IL33: variants seen among roughly 807,000 people sequenced by gnomAD.
IL33 encodes the protein interleukin-33.
Under a neutral mutation model 27.3 loss-of-function variants are expected in IL33, and 37 were observed. The ratio of observed to expected loss-of-function variants is 1.36; its 90% CI spans 1.04 to 1.78. The LOEUF is 1.78. IL33 is among the 40% of genes most tolerant of loss of function. IL33 has a pLI of 0.00. For synonymous variants in IL33, 132 were observed against 102.9 expected, an observed-to-expected ratio of 1.28 and a Z score of -1.71; for missense variants, 406 against 311.4, an observed-to-expected ratio of 1.30 and a Z score of -2.29.
intron 2 of IL33, among the ~76,000 whole-genome samples, chr9:6,246,045 A>G (rs1345498458): frequency 9.5e-6 from 1 of 104,754 alleles, no homozygotes; most frequent in Non-Finnish European, 1.8e-5. Context: ...CCTGGGTGAC[A>G]GAGCAAGACT....
chr9:6,228,783 G>T (rs1245482752), intron 1 of IL33, among the ~76,000 whole-genome samples: 2 of 150,336 alleles, frequency 1.3e-5, no homozygotes, highest in Non-Finnish European at 2.9e-5. Context: ...GAACCTAGGA[G>T]TTCAGTGAGG....
At chr9:6,248,573 A>T (rs1390811630) in intron 2 of IL33, among the ~76,000 whole-genome samples, 3 of 151,572 alleles carry the variant, frequency 2.0e-5, no homozygotes, top group Non-Finnish European at 2.9e-5. Flanking sequence ...ATAAATTTCT[A>T]TCTTTTTTTT....
chr9:6,252,052 C>CAAA (rs1311401521), intron 4 of IL33, among the ~76,000 whole-genome samples: 9 of 36,184 alleles, frequency 2.5e-4, no homozygotes, highest in African/African-American at 8.5e-4. Context: ...AACAAACAAA[C>CAAA]AAACAAAAAA....
In IL33 at chr9:6,250,211, C is replaced by T. The variant is rs549385506; in HGVS notation, c.92-263C>T. 2.0e-5 allele frequency among the ~76,000 whole-genome samples: 3 copies of T among 152,190 alleles called. No homozygotes were observed. In the South Asian group the frequency reaches 6.2e-4, roughly 32 times the overall value. On this transcript the variant is annotated intron_variant, in intron 2 of 7. Transcript: ENST00000682010. The stretch of plus-strand genomic sequence containing the variant: ...TTTATTTCACTTTGTGTAAATTTTC[C>T]TATGTTTCAATATAAAATTAACTAA...
intron 1 of IL33, among the ~76,000 whole-genome samples, chr9:6,241,137 T>C (rs1205728909): frequency 6.6e-6 from 1 of 152,156 alleles, no homozygotes; most frequent in East Asian, 1.9e-4. Context: ...AATGTCTTCC[T>C]CTGGAATACC....
chr9:6,219,609 C>G (rs971160071), intron 1 of IL33, among the ~76,000 whole-genome samples: 2 of 152,288 alleles, frequency 1.3e-5, no homozygotes, highest in South Asian at 4.1e-4. Flanking sequence ...TCTTACTTAA[C>G]TTTCCTGAGC....
At chr9:6,251,358 G>A (rs1310775558) in intron 4 of IL33, 93 bp downstream of exon 4, 1 of 1,557,666 alleles carries the variant, frequency 6.4e-7, no homozygotes, top group Non-Finnish European at 8.7e-7. Flanking sequence ...TCCCAAGTCT[G>A]TGTCTTTAAT....
intron 5 of IL33, among the ~76,000 whole-genome samples, chr9:6,253,297 C>T (rs10815394): frequency 0.35 from 53,562 of 151,692 alleles, 9,795 homozygotes; most frequent in East Asian, 0.47. Flanking sequence ...CTTTCTAGCC[C>T]TATTAGTATC....
chr9:6,243,305 T>C (rs1236180880), intron 2 of IL33, among the ~76,000 whole-genome samples: 2 of 152,208 alleles, frequency 1.3e-5, no homozygotes, highest in African/African-American at 4.8e-5. Context: ...GCTGTATAAC[T>C]CTTTGATCCT....
chr9:6,229,828 T>C (rs767753137), intron 1 of IL33, among the ~76,000 whole-genome samples: 2 of 152,148 alleles, frequency 1.3e-5, no homozygotes, highest in Non-Finnish European at 2.9e-5. Context: ...GGATCTATTA[T>C]TATATATATA....
At chr9:6,218,197 A>G (rs1002409146) in intron 1 of IL33, among the ~76,000 whole-genome samples, 1 of 152,190 alleles carries the variant, frequency 6.6e-6, no homozygotes, top group African/African-American at 2.4e-5. Flanking sequence ...TTCTTCTCTG[A>G]AAGGATCCTG....
At chr9:6,243,935 G>T (rs7019575) in intron 2 of IL33, among the ~76,000 whole-genome samples, 3 of 151,966 alleles carry the variant, frequency 2.0e-5, no homozygotes, top group African/African-American at 7.3e-5. Context: ...TTTGACTGTG[G>T]TTTCTGAACA....
chr9:6,227,116 G>A (rs1011790963), intron 1 of IL33, among the ~76,000 whole-genome samples: 4 of 152,212 alleles, frequency 2.6e-5, no homozygotes, highest in Admixed American at 2.0e-4. Context: ...GCAAGGGCTG[G>A]AGTTGAGACA....
chr9:6,253,005 T>C lies in IL33; in HGVS notation c.469+14T>C. On this transcript the variant is annotated intron_variant, in intron 5 of 7. Coordinates refer to ENST00000682010, the MANE Select transcript of IL33 (RefSeq NM_033439.4). ...ATGAAAAGAAAGGTAGATTATTTTC[T>C]TTTTCTATAATAATGTAATAATGAC... 1 of 1,443,212 alleles carries C rather than the reference T, an allele frequency of 6.9e-7. No individual in the cohort carries two copies. Among genetic ancestry groups the C allele is most frequent in the South Asian group, 1.3e-5 (1 of 79,320 alleles). The allele number at this position is 1,443,212 out of a possible 1,614,324, so 89.4% of individuals were successfully genotyped here.
chr9:6,222,045 A>G (rs762017488), intron 1 of IL33, among the ~76,000 whole-genome samples: 14 of 152,180 alleles, frequency 9.2e-5, no homozygotes, highest in Non-Finnish European at 1.9e-4. Context: ...AAAGCTTGTC[A>G]TACCATGGTG....
chr9:6,252,095 ACCAACT>A (rs1816430626), intron 4 of IL33, among the ~76,000 whole-genome samples: 1 of 123,556 alleles, frequency 8.1e-6, no homozygotes, highest in Admixed American at 8.6e-5. Context: ...AAACAAAAAA[ACCAACT>A]TTACCTGGAA....
rs1409344077 is a variant in IL33 at position 6,250,508 on chromosome 9, G to A, written c.126G>A (p.Met42Ile). Residue 42 changes from methionine to isoleucine, a missense_variant, in exon 3 of 8, where the codon ATG (methionine) becomes ATA (isoleucine). Coordinates refer to ENST00000682010, the MANE Select transcript of IL33 (RefSeq NM_033439.4). The stretch of plus-strand genomic sequence containing the variant: ...AGAAGGCCAAAGAAGTTTGCCCCAT[G>A]TACTTTATGAAGCTCCGCTCTGGCC... ...SQQKAKEVCP[M>I]YFMKLRSGLM... is the part of the protein sequence containing the mutation. 6.2e-7 allele frequency: 1 copy of A among 1,613,876 alleles called. No individual in the cohort carries two copies. The highest frequency in any genetic ancestry group is 8.5e-7 in the Non-Finnish European group (1 of 1,179,862).
chr9:6,240,423 AG>A (rs1819464377), intron 1 of IL33, among the ~76,000 whole-genome samples: 1 of 152,226 alleles, frequency 6.6e-6, no homozygotes, highest in African/African-American at 2.4e-5. Context: ...GTTAAAATAA[AG>A]GATTGTGGAA....
chr9:6,230,513 C>G (rs10758750), intron 1 of IL33, among the ~76,000 whole-genome samples: 44,998 of 151,976 alleles, frequency 0.3, 7,248 homozygotes, highest in East Asian at 0.48. Flanking sequence ...AACTGCTACA[C>G]CCAAGGGAGT....
Sources: allele counts gnomAD v4.1 joint callset (sites outside exome capture counted in the v4.1 genomes callset), GRCh38; gene constraint gnomAD v4.1.1; transcripts MANE v1.5; gene names NCBI Gene and HGNC (gene_info 2026-07-23, HGNC 2026-07-21).